Variants in RBM26 observed in about 807,000 individuals in gnomAD.
RBM26 encodes the protein RNA-binding protein 26.
RBM26 carries 30 observed loss-of-function variants against 123.6 expected under a neutral mutation model. The ratio of observed to expected loss-of-function variants is 0.24; its 90% CI spans 0.18 to 0.33. RBM26 has a LOEUF of 0.33. Among genes scored for constraint, RBM26 ranks in the 10% least tolerant of loss-of-function variants. RBM26 has a pLI of 1.00. For missense variants in RBM26, 947 were observed against 1,203.6 expected (o/e 0.79, Z 3.15); for synonymous variants, 400 against 404.4 (o/e 0.99, Z 0.13).
chr13:79,339,531 ATTC>A (rs2071024618), intron 18 of RBM26, among the ~76,000 whole-genome samples: 1 of 152,302 alleles, frequency 6.6e-6, no homozygotes, highest in African/African-American at 2.4e-5. Context: ...CATATATATA[ATTC>A]TTCATTTGTC....
intron 1 of RBM26, among the ~76,000 whole-genome samples, chr13:79,393,744 T>C (rs1050659586): frequency 6.6e-6 from 1 of 152,136 alleles, no homozygotes; most frequent in Admixed American, 6.6e-5. Flanking sequence ...GGGAAGGACC[T>C]TGGGGTCTGC....
At chr13:79,340,757 G>A (rs974052571) in intron 18 of RBM26, among the ~76,000 whole-genome samples, 1 of 151,794 alleles carries the variant, frequency 6.6e-6, no homozygotes, top group Non-Finnish European at 1.5e-5. Context: ...ACTAAAACTC[G>A]CATACAGCAA....
In RBM26 at chr13:79,358,433, T is replaced by C; in HGVS notation, c.1530A>G (p.Lys510=). 6.2e-7 allele frequency: 1 copy of C among 1,605,806 alleles called. No homozygotes were observed. Among genetic ancestry groups the C allele is most frequent in the Non-Finnish European group, 8.5e-7 (1 of 1,177,450 alleles). Reference sequence around the variant, plus strand: ...GGCTGTTTGTTCTATTAAAATTTGGTCTGCAAACAAAATTCAAGTTAGTCA... The same window carrying C: ...GGCTGTTTGTTCTATTAAAATTTGGCCTGCAAACAAAATTCAAGTTAGTCA... ...GVPTKKTWFD[K]PNFNRTNSPG... Residue 510 remains lysine (K), a splice_region_variant and synonymous_variant, in exon 11 of 22, where the codon AAA becomes AAG. Transcript: ENST00000438737.
intron 19 of RBM26, among the ~76,000 whole-genome samples, chr13:79,336,038 A>G (rs995542681): frequency 5.3e-5 from 8 of 152,120 alleles, no homozygotes; most frequent in Non-Finnish European, 8.8e-5. Context: ...TCTTAAACAT[A>G]AACCATTTCT....
chr13:79,314,295 G>T (rs1220441852), downstream of RBM26: 3 of 151,654 alleles, frequency 2.0e-5, no homozygotes, highest in Non-Finnish European at 4.4e-5. Flanking sequence ...AAAAAATTAT[G>T]TTAAGACATA....
intron 12 of RBM26, 99 bp downstream of exon 12, chr13:79,355,121 T>C (rs2073817498): frequency 9.3e-7 from 1 of 1,077,316 alleles, no homozygotes; most frequent in Non-Finnish European, 1.4e-6. Context: ...AACCAGGGTA[T>C]GAACTCAGGC....
chr13:79,392,046 ACAT>A (rs1361967649), intron 1 of RBM26, among the ~76,000 whole-genome samples: 2 of 95,936 alleles, frequency 2.1e-5, no homozygotes, highest in African/African-American at 3.5e-5. Flanking sequence ...ATTATACAAT[ACAT>A]TATTATATAA....
chr13:79,323,760 T>C (rs1473703380), intron 20 of RBM26, among the ~76,000 whole-genome samples: 2 of 151,738 alleles, frequency 1.3e-5, no homozygotes, highest in Non-Finnish European at 3.0e-5. Context: ...AAGATGAGGC[T>C]ACAACTTTCT....
rs192535382 is a variant in RBM26, at chr13:79,373,664, A to G, written c.328-1734T>C. ...TTATATAGTCTATTTATATATTTAT[A>G]TATTATATATTACTATATATAATAA... On this transcript the variant is annotated intron_variant, in intron 3 of 21. Coordinates refer to ENST00000438737, the MANE Select transcript of RBM26 (RefSeq NM_001366735.2). Among the ~76,000 whole-genome samples, 664 of 104,204 alleles carry G rather than the reference A, an allele frequency of 6.4e-3. 30 individuals carry two copies. The highest frequency in any genetic ancestry group is 0.041 in the South Asian group (155 of 3,750). The allele number at this position is 104,204 out of a possible 152,430, so 68.4% of individuals were successfully genotyped here.
At chr13:79,370,902 C>T (rs1566491546) in intron 5 of RBM26, 43 bp downstream of exon 5, 5 of 1,564,886 alleles carry the variant, frequency 3.2e-6, no homozygotes, top group Non-Finnish European at 4.4e-6. Flanking sequence ...AACATTTAAA[C>T]ATGGAGTTTT....
chr13:79,343,694 A>C (rs191670802), intron 16 of RBM26, among the ~76,000 whole-genome samples: 1 of 151,976 alleles, frequency 6.6e-6, no homozygotes, highest in African/African-American at 2.4e-5. Context: ...AAACAAATAC[A>C]ATTAATTTAA....
intron 1 of RBM26, among the ~76,000 whole-genome samples, chr13:79,399,511 A>G (rs2078884649): frequency 6.6e-6 from 1 of 152,242 alleles, no homozygotes; most frequent in South Asian, 2.1e-4. Context: ...TAAGACTCAT[A>G]TAAAAAGTAG....
chr13:79,403,116 A>G (rs1380682658), intron 1 of RBM26, among the ~76,000 whole-genome samples: 1 of 152,046 alleles, frequency 6.6e-6, no homozygotes, highest in African/African-American at 2.4e-5. Context: ...TTCCTTTTAG[A>G]TAACAGATCA....
intron 14 of RBM26, among the ~76,000 whole-genome samples, chr13:79,347,067 A>G (rs576776736): frequency 3.3e-5 from 5 of 152,342 alleles, no homozygotes; most frequent in African/African-American, 1.2e-4. Flanking sequence ...TTCAGTGAGA[A>G]TACTCCTTTT....
At chr13:79,342,602 A>C in intron 17 of RBM26, 62 bp downstream of exon 17, 2 of 1,328,588 alleles carry the variant, frequency 1.5e-6, no homozygotes, top group Non-Finnish European at 2.1e-6. Context: ...ACTGAATCTT[A>C]AAAATGTAGT....
chr13:79,403,889 T>C (rs1457080534), intron 1 of RBM26, among the ~76,000 whole-genome samples: 1 of 152,212 alleles, frequency 6.6e-6, no homozygotes, highest in African/African-American at 2.4e-5. Context: ...CCTCCATTTT[T>C]TCATGCATTC....
chr13:79,373,675 T>C (rs1379944822), intron 3 of RBM26, among the ~76,000 whole-genome samples: 1 of 83,092 alleles, frequency 1.2e-5, no homozygotes, highest in Non-Finnish European at 1.9e-5. Flanking sequence ...TATTATATAT[T>C]ACTATATATA....
At chr13:79,379,407 G>A (rs1248745335) in intron 1 of RBM26, among the ~76,000 whole-genome samples, 1 of 150,048 alleles carries the variant, frequency 6.7e-6, no homozygotes, top group Non-Finnish European at 1.5e-5. Flanking sequence ...ATTAGGCATG[G>A]TAGTGTGTGC....
downstream of RBM26, chr13:79,314,914 G>A (rs1302566216): frequency 7.5e-6 from 8 of 1,060,440 alleles, no homozygotes; most frequent in African/African-American, 3.3e-5. Context: ...TGATATTATT[G>A]TAACAGTCGT....
Sources: gnomAD v4.1 joint callset for allele counts (sites outside exome capture counted in the v4.1 genomes callset) on GRCh38, gnomAD v4.1.1 for gene constraint, MANE v1.5 for transcripts, NCBI Gene and HGNC (gene_info 2026-07-23, HGNC 2026-07-21) for gene names.